Variants in ZRANB3 observed in about 807,000 individuals in gnomAD.
ZRANB3 encodes DNA annealing helicase and endonuclease ZRANB3.
ZRANB3 carries 125 observed loss-of-function variants against 133.8 expected under a neutral mutation model. That is an observed-to-expected ratio of 0.93 (90% CI 0.81 to 1.08). The LOEUF is 1.08. ZRANB3 is among the 50% of genes least tolerant of loss of function. The pLI, the probability that ZRANB3 is intolerant of heterozygous loss-of-function variation, is 0.00. For missense variants in ZRANB3, 1,229 were observed against 1,275.5 expected, an observed-to-expected ratio of 0.96 and a Z score of 0.56; for synonymous variants, 387 against 432.7, an observed-to-expected ratio of 0.89 and a Z score of 1.31.
rs1472520943 is a variant in ZRANB3, at chr2:135,416,645, C to T, written c.162-25825G>A. The stretch of plus-strand genomic sequence containing the variant: ...TATGGAACCAAAAAAGAGCCCGCAT[C>T]GCCAAGTCAATCCTAAGCCAAAAGA... On this transcript the variant is annotated intron_variant, in intron 2 of 20. Coordinates refer to ENST00000264159, the MANE Select transcript of ZRANB3 (RefSeq NM_032143.4). Among the ~76,000 whole-genome samples, 100 of 149,928 alleles carry T rather than the reference C, an allele frequency of 6.7e-4. No homozygotes were observed. The East Asian group carries it at 0.018, about 27-fold the overall frequency.
At chr2:135,272,649 G>A (rs1196332894) in intron 9 of ZRANB3, among the ~76,000 whole-genome samples, 4 of 151,704 alleles carry the variant, frequency 2.6e-5, no homozygotes, top group Non-Finnish European at 1.5e-5. Context: ...TCCTGACCTC[G>A]TGATTCCCCC....
At chr2:135,451,387 C>A (rs1055782348) in intron 2 of ZRANB3, among the ~76,000 whole-genome samples, 2 of 151,886 alleles carry the variant, frequency 1.3e-5, no homozygotes, top group African/African-American at 4.8e-5. Context: ...CATGGAGAAA[C>A]CCCGTCTCTA....
At chr2:135,449,754 A>T (rs1690183500) in intron 2 of ZRANB3, among the ~76,000 whole-genome samples, 1 of 152,150 alleles carries the variant, frequency 6.6e-6, no homozygotes, top group Admixed American at 6.6e-5. Context: ...GTTTATTATC[A>T]TCCCCATTTC....
At chr2:135,436,520 C>T (rs1244874981) in intron 2 of ZRANB3, among the ~76,000 whole-genome samples, 4 of 152,068 alleles carry the variant, frequency 2.6e-5, no homozygotes, top group Non-Finnish European at 5.9e-5. Flanking sequence ...ACAACTACCA[C>T]AAAAAGAATA....
chr2:135,424,882 G>A (rs577258897), intron 2 of ZRANB3, among the ~76,000 whole-genome samples: 26 of 152,230 alleles, frequency 1.7e-4, no homozygotes, highest in African/African-American at 6.3e-4. Flanking sequence ...AGGAAAACAG[G>A]AGATCCTAAA....
intron 2 of ZRANB3, among the ~76,000 whole-genome samples, chr2:135,422,309 C>T (rs1211161614): frequency 6.6e-6 from 1 of 152,144 alleles, no homozygotes; most frequent in Non-Finnish European, 1.5e-5. Context: ...TACTCCATCA[C>T]AGTTACTCGT....
At chr2:135,408,037 A>T (rs1353280027) in intron 2 of ZRANB3, among the ~76,000 whole-genome samples, 1 of 151,860 alleles carries the variant, frequency 6.6e-6, no homozygotes, top group African/African-American at 2.4e-5. Context: ...GTGAACAGGC[A>T]ACCTACAGAA....
chr2:135,371,463 A>G (rs1686173934), intron 3 of ZRANB3, among the ~76,000 whole-genome samples: 1 of 152,216 alleles, frequency 6.6e-6, no homozygotes, highest in Non-Finnish European at 1.5e-5. Flanking sequence ...TTAACTCACC[A>G]TCACTGCCAC....
intron 2 of ZRANB3, among the ~76,000 whole-genome samples, chr2:135,442,010 G>A (rs1689802213): frequency 6.6e-6 from 1 of 152,040 alleles, no homozygotes; most frequent in Non-Finnish European, 1.5e-5. Context: ...AGCTGAAACT[G>A]GATCCCTTCC....
chr2:135,401,445 C>A (rs779648690), intron 2 of ZRANB3, among the ~76,000 whole-genome samples: 4 of 152,078 alleles, frequency 2.6e-5, no homozygotes, highest in Non-Finnish European at 5.9e-5. Flanking sequence ...GTTGCTTTTC[C>A]AAAATCCCTT....
intron 8 of ZRANB3, among the ~76,000 whole-genome samples, chr2:135,283,842 C>A (rs1681214755): frequency 6.6e-6 from 1 of 151,816 alleles, no homozygotes; most frequent in South Asian, 2.1e-4. Context: ...GGAAGCCAGG[C>A]ATGATGGCTC....
intron 20 of ZRANB3, 86 bp downstream of exon 20, chr2:135,202,746 A>G: frequency 6.9e-7 from 1 of 1,446,386 alleles, no homozygotes; most frequent in Non-Finnish European, 9.3e-7. Context: ...AGATAAATTC[A>G]TCCACATAAT....
chr2:135,459,665 T>C (rs1225296712), intron 2 of ZRANB3, among the ~76,000 whole-genome samples: 1 of 152,300 alleles, frequency 6.6e-6, no homozygotes, highest in East Asian at 1.9e-4. Flanking sequence ...AAAGTTTTCA[T>C]CCAGTTCCAG....
At chr2:135,345,773 A>G (rs1022406528) in intron 5 of ZRANB3, 138 bp from the exon 6 acceptor site, 2 of 614,852 alleles carry the variant, frequency 3.3e-6, no homozygotes, top group Non-Finnish European at 5.7e-6. Flanking sequence ...CCTCACTACT[A>G]TTCATCAGGG....
At chr2:135,424,364 T>G (rs1324087856) in intron 2 of ZRANB3, among the ~76,000 whole-genome samples, 1 of 151,866 alleles carries the variant, frequency 6.6e-6, no homozygotes, top group Non-Finnish European at 1.5e-5. Context: ...ACATCTAATA[T>G]CTGAACAATG....
At chr2:135,289,334 C>T (rs1266437889) in intron 8 of ZRANB3, among the ~76,000 whole-genome samples, 2 of 152,120 alleles carry the variant, frequency 1.3e-5, no homozygotes, top group African/African-American at 4.8e-5. Flanking sequence ...CGGCTCACTG[C>T]AGCCTCTGCC....
At chr2:135,433,444 T>A (rs1010973929) in intron 2 of ZRANB3, among the ~76,000 whole-genome samples, 17 of 152,044 alleles carry the variant, frequency 1.1e-4, no homozygotes, top group African/African-American at 4.1e-4. Flanking sequence ...AAGTAGTTGA[T>A]CAAAAATAGG....
At chr2:135,491,402 C>T (rs1045834900) in intron 2 of ZRANB3, among the ~76,000 whole-genome samples, 2 of 151,956 alleles carry the variant, frequency 1.3e-5, no homozygotes, top group African/African-American at 4.8e-5. Flanking sequence ...TGGAATGCAG[C>T]GGCACAATCT....
At chr2:135,394,953 C>CAAAA (rs113220872) in intron 2 of ZRANB3, among the ~76,000 whole-genome samples, 75 of 43,228 alleles carry the variant, frequency 1.7e-3, no homozygotes, top group African/African-American at 2.8e-3. Flanking sequence ...CTTGTCTCTA[C>CAAAA]AAAAAAAAAA....
Sources: gnomAD v4.1 joint callset for allele counts (sites outside exome capture counted in the v4.1 genomes callset) on GRCh38, gnomAD v4.1.1 for gene constraint, MANE v1.5 for transcripts, NCBI Gene and HGNC (gene_info 2026-07-23, HGNC 2026-07-21) for gene names.